Variants in GALNT13 observed in about 807,000 individuals in gnomAD.
The protein encoded by GALNT13 is polypeptide N-acetylgalactosaminyltransferase 13, also known as UDP-GalNAc:polypeptide N-acetylgalactosaminyltransferase 13.
Under a neutral mutation model 64.2 loss-of-function variants are expected in GALNT13, and 28 were observed. The ratio of observed to expected loss-of-function variants is 0.44; its 90% confidence interval spans 0.32 to 0.60. The LOEUF (loss-of-function observed/expected upper bound fraction) is 0.60, where lower values mean the gene tolerates loss of function less well. GALNT13 is among the 20% of genes least tolerant of loss of function. GALNT13 has a pLI of 0.05. For missense variants in GALNT13, 577 were observed against 669.8 expected, an observed-to-expected ratio of 0.86 and a Z score of 1.53; for synonymous variants, 214 against 224.6, an observed-to-expected ratio of 0.95 and a Z score of 0.42.
chr2:154,341,057 C>T (rs1695737774), intron 9 of GALNT13, among the ~76,000 whole-genome samples: 1 of 151,856 alleles, frequency 6.6e-6, no homozygotes, highest in Non-Finnish European at 1.5e-5. Context: ...TTGAACTGAC[C>T]CAAGAAGGCA....
chr2:154,376,246 G>A (rs1045547251), intron 9 of GALNT13, among the ~76,000 whole-genome samples: 1 of 152,036 alleles, frequency 6.6e-6, no homozygotes. Flanking sequence ...TACTTTTAAT[G>A]AGCAAATCTC....
At chr2:153,582,884 C>A in the GALNT13 span, among the ~76,000 whole-genome samples, 3 of 152,026 alleles carry the variant, frequency 2.0e-5, no homozygotes, top group South Asian at 6.2e-4. Flanking sequence ...AACAAAGTGC[C>A]CTTATTAAAT....
chr2:153,133,625 C>T, the GALNT13 span, among the ~76,000 whole-genome samples: 50 of 152,226 alleles, frequency 3.3e-4, no homozygotes, highest in African/African-American at 1.2e-3. Flanking sequence ...ATGTAATAGA[C>T]AAAATTGAGA....
chr2:153,204,506 G>A, the GALNT13 span, among the ~76,000 whole-genome samples: 1 of 152,082 alleles, frequency 6.6e-6, no homozygotes, highest in East Asian at 1.9e-4. Flanking sequence ...ACACTCCCCA[G>A]AATGGCTGGT....
intron 8 of GALNT13, among the ~76,000 whole-genome samples, chr2:154,294,971 G>A (rs4233668): frequency 0.76 from 116,297 of 152,122 alleles, 44,605 homozygotes; most frequent in East Asian, 0.86. Context: ...AGTTTTTTCA[G>A]TTGCCAACTT....
chr2:153,381,561 C>A, the GALNT13 span, among the ~76,000 whole-genome samples: 1 of 151,810 alleles, frequency 6.6e-6, no homozygotes, highest in Non-Finnish European at 1.5e-5. Flanking sequence ...AAATAAGGGT[C>A]TGAAACTGAG....
chr2:153,268,809 G>C, the GALNT13 span, among the ~76,000 whole-genome samples: 3 of 152,206 alleles, frequency 2.0e-5, no homozygotes, highest in African/African-American at 7.2e-5. Flanking sequence ...AGCCACCAAG[G>C]CTTGGGGCTT....
At chr2:154,376,334 A>G (rs1209656923) in intron 9 of GALNT13, among the ~76,000 whole-genome samples, 1 of 152,180 alleles carries the variant, frequency 6.6e-6, no homozygotes, top group African/African-American at 2.4e-5. Flanking sequence ...ATATTGCATT[A>G]TATAGTCAGA....
At chr2:153,068,807 G>T in the GALNT13 span, among the ~76,000 whole-genome samples, 1 of 152,180 alleles carries the variant, frequency 6.6e-6, no homozygotes, top group Non-Finnish European at 1.5e-5. Context: ...TAACAGTGGT[G>T]CTTTAGGGGA....
the GALNT13 span, among the ~76,000 whole-genome samples, chr2:153,533,972 A>C: frequency 1.3e-5 from 2 of 151,162 alleles, no homozygotes; most frequent in East Asian, 4.0e-4. Context: ...TCCTGGGCTC[A>C]AGCTATCCTC....
intron 3 of GALNT13, among the ~76,000 whole-genome samples, chr2:154,058,352 C>A (rs1700004605): frequency 6.6e-6 from 1 of 152,106 alleles, no homozygotes; most frequent in African/African-American, 2.4e-5. Flanking sequence ...TTGTAACAAC[C>A]TGAGCTGATT....
At chr2:154,160,732 C>T (rs767840754) in intron 4 of GALNT13, among the ~76,000 whole-genome samples, 13 of 152,164 alleles carry the variant, frequency 8.5e-5, no homozygotes, top group Admixed American at 1.3e-4. Context: ...AGATTCCCAT[C>T]ACTTGGCTTA....
At chr2:153,298,048 C>T in the GALNT13 span, among the ~76,000 whole-genome samples, 1 of 152,182 alleles carries the variant, frequency 6.6e-6, no homozygotes, top group African/African-American at 2.4e-5. Flanking sequence ...GGAATGTACT[C>T]ATACAAATGA....
chr2:153,703,724 A>G, the GALNT13 span, among the ~76,000 whole-genome samples: 1 of 152,180 alleles, frequency 6.6e-6, no homozygotes, highest in Non-Finnish European at 1.5e-5. Context: ...TGAAAGTAGA[A>G]TCTAATTAAT....
chr2:153,665,708 C>T, the GALNT13 span, among the ~76,000 whole-genome samples: 1 of 152,098 alleles, frequency 6.6e-6, no homozygotes, highest in Non-Finnish European at 1.5e-5. Context: ...GGACTAATTC[C>T]TAGCCCCAAG....
At chr2:153,864,272 C>G in the GALNT13 span, among the ~76,000 whole-genome samples, 1 of 152,028 alleles carries the variant, frequency 6.6e-6, no homozygotes, top group Non-Finnish European at 1.5e-5. Context: ...AATTCTTTGA[C>G]AGGAGTGATT....
chr2:154,130,476 T>C (rs1682547001), intron 3 of GALNT13, among the ~76,000 whole-genome samples: 1 of 152,202 alleles, frequency 6.6e-6, no homozygotes, highest in South Asian at 2.1e-4. Context: ...TTTGAGGTGA[T>C]CCATTTTTCT....
the GALNT13 span, among the ~76,000 whole-genome samples, chr2:153,528,876 G>A: frequency 2.6e-5 from 4 of 151,734 alleles, no homozygotes; most frequent in African/African-American, 7.3e-5. Flanking sequence ...TGAAACAAAC[G>A]ACAATAGAAA....
intron 9 of GALNT13, among the ~76,000 whole-genome samples, chr2:154,358,406 CAG>C (rs1466598391): frequency 1.3e-5 from 2 of 151,992 alleles, no homozygotes; most frequent in Non-Finnish European, 2.9e-5. Flanking sequence ...CATCAACGAA[CAG>C]AAATCATTTA....
Sources: gnomAD v4.1 joint callset for allele counts (sites outside exome capture counted in the v4.1 genomes callset) on GRCh38, gnomAD v4.1.1 for gene constraint, MANE v1.5 for transcripts, NCBI Gene and HGNC (gene_info 2026-07-23, HGNC 2026-07-21) for gene names.